Variants in FARS2 observed in about 807,000 individuals in gnomAD.
FARS2 encodes the protein phenylalanyl-tRNA synthetase 2, mitochondrial.
FARS2 carries 40 observed loss-of-function variants against 46.4 expected under a neutral mutation model. The ratio of observed to expected loss-of-function variants is 0.86; its 90% CI spans 0.67 to 1.12. FARS2 has a LOEUF of 1.12. Ranked by LOEUF, FARS2 falls within the 50% of genes most tolerant of loss-of-function variation. FARS2 has a pLI of 0.00. For synonymous variants in FARS2, 234 were observed against 214.9 expected (o/e 1.09, Z -0.78); for missense variants, 513 against 567.9 (o/e 0.90, Z 0.98).
chr6:5,399,037 G>T (rs80019296), intron 2 of FARS2, among the ~76,000 whole-genome samples: 1,638 of 151,406 alleles, frequency 0.011, 25 homozygotes, highest in African/African-American at 0.037. Flanking sequence ...TCTTTAAGTG[G>T]CTGTCATTTA....
In FARS2 at chr6:5,303,382, T is replaced by C. The variant is rs558358341; in HGVS notation, c.-22+41722T>C. 6.6e-5 allele frequency among the ~76,000 whole-genome samples: 10 copies of C among 152,292 alleles called. No individual in the cohort carries two copies. In the South Asian group the frequency reaches 2.1e-3, roughly 32 times the overall value. ...GATTTTCCTGAGTGGGACTGGTGCCTGGACTGGCACAGGGCTGAAGCTGCA... is the reference window on the plus strand; with the variant it reads ...GATTTTCCTGAGTGGGACTGGTGCCCGGACTGGCACAGGGCTGAAGCTGCA... On this transcript the variant is annotated intron_variant, in intron 1 of 6. Transcript: ENST00000274680.
rs539920107 is a variant in FARS2, at chr6:5,554,507, T to TA, written c.1065+9168dup. Reference sequence around the variant, plus strand: ...AACATCAGCCATGAGTGCTGCATGATATGAGGCCTGGGAGTTTCTTAAGGC... The same window carrying TA: ...AACATCAGCCATGAGTGCTGCATGATAATGAGGCCTGGGAGTTTCTTAAGGC... On this transcript the variant is annotated intron_variant, in intron 5 of 6. Coordinates refer to ENST00000274680, the MANE Select transcript of FARS2 (RefSeq NM_006567.5). 4.9e-4 allele frequency among the ~76,000 whole-genome samples: 74 copies of TA among 152,304 alleles called. 1 individual carries two copies. In the East Asian group the frequency reaches 0.014, roughly 28 times the overall value.
rs180908690 is a variant in FARS2, at chr6:5,327,468, T to A, written c.-21-41082T>A. On this transcript the variant is annotated intron_variant, in intron 1 of 6. Coordinates refer to ENST00000274680, the MANE Select transcript of FARS2 (RefSeq NM_006567.5). ...AGGTAATTGAATAATGAGGGCAGGT[T>A]TTTCCGTGCCGTTCTTGTGATGGTG... 2.9e-4 allele frequency among the ~76,000 whole-genome samples: 44 copies of A among 152,224 alleles called. No homozygotes were observed. In the East Asian group the frequency reaches 7.9e-3, roughly 27 times the overall value.
chr6:5,587,915 A>G (rs979465615), intron 5 of FARS2, among the ~76,000 whole-genome samples: 5 of 152,158 alleles, frequency 3.3e-5, no homozygotes, highest in Non-Finnish European at 5.9e-5. Flanking sequence ...ATCTTTTAAT[A>G]CGTGTTGTTT....
chr6:5,260,643 G>A, upstream of FARS2: 1 of 1,536,790 alleles, frequency 6.5e-7, no homozygotes, highest in Non-Finnish European at 8.7e-7. Context: ...TGCCCGCTGG[G>A]TCACCTGTAA....
intron 6 of FARS2, among the ~76,000 whole-genome samples, chr6:5,688,108 G>A (rs1274891171): frequency 2.0e-5 from 3 of 152,166 alleles, no homozygotes; most frequent in Non-Finnish European, 2.9e-5. Flanking sequence ...GGGCTGAGAC[G>A]ATGGGATTTT....
intron 6 of FARS2, among the ~76,000 whole-genome samples, chr6:5,711,694 T>C (rs1462116605): frequency 6.6e-6 from 1 of 152,182 alleles, no homozygotes; most frequent in Non-Finnish European, 1.5e-5. Context: ...TCCTGACCAA[T>C]GCTCCTCAAA....
chr6:5,424,517 G>A (rs890620952), intron 3 of FARS2, among the ~76,000 whole-genome samples: 4 of 152,124 alleles, frequency 2.6e-5, no homozygotes, highest in Non-Finnish European at 5.9e-5. Flanking sequence ...ATCATTCAGT[G>A]AAAAAAGCGT....
chr6:5,717,326 C>G (rs191255243), intron 6 of FARS2, among the ~76,000 whole-genome samples: 2 of 149,316 alleles, frequency 1.3e-5, no homozygotes, highest in Non-Finnish European at 3.0e-5. Context: ...AGCCAGGAAC[C>G]GTGGATAGAA....
intron 4 of FARS2, among the ~76,000 whole-genome samples, chr6:5,518,360 G>T (rs993895368): frequency 6.6e-6 from 1 of 151,964 alleles, no homozygotes; most frequent in African/African-American, 2.4e-5. Flanking sequence ...GAAGAATAAA[G>T]AGAGAGTTCC....
intron 6 of FARS2, among the ~76,000 whole-genome samples, chr6:5,678,632 C>T (rs988412307): frequency 1.3e-5 from 2 of 152,130 alleles, no homozygotes; most frequent in African/African-American, 4.8e-5. Context: ...CTTTGTAATA[C>T]GAGGGCTGCT....
At chr6:5,332,825 G>A (rs1770889663) in intron 1 of FARS2, among the ~76,000 whole-genome samples, 1 of 152,142 alleles carries the variant, frequency 6.6e-6, no homozygotes, top group South Asian at 2.1e-4. Flanking sequence ...TTTCATGGGA[G>A]GGTCATTAGA....
chr6:5,523,350 G>A (rs748324346), intron 4 of FARS2, among the ~76,000 whole-genome samples: 2 of 152,188 alleles, frequency 1.3e-5, no homozygotes, highest in South Asian at 4.1e-4. Flanking sequence ...AAGGACAACA[G>A]AGGGCTTTTT....
intron 6 of FARS2, among the ~76,000 whole-genome samples, chr6:5,709,716 TGG>T (rs373161861): frequency 0.59 from 78,673 of 133,600 alleles, 22,061 homozygotes; most frequent in Non-Finnish European, 0.61. Context: ...ACGTGCATGT[TGG>T]GGGGGGTGGG....
chr6:5,624,258 G>A (rs1020773408), intron 6 of FARS2, among the ~76,000 whole-genome samples: 3 of 152,084 alleles, frequency 2.0e-5, no homozygotes, highest in African/African-American at 4.8e-5. Flanking sequence ...CTTACGATGG[G>A]TGCATCTCAT....
In FARS2 at chr6:5,607,285, ATGTG is replaced by A. The variant is rs200898031; in HGVS notation, c.1066-5842_1066-5839del. Reference sequence around the variant, plus strand: ...AACAATTTATTAAAGAATAATATGTATGTGTGTGTGTGTGTGTGTGTGTGTGTGT... The same window carrying A: ...AACAATTTATTAAAGAATAATATGTATGTGTGTGTGTGTGTGTGTGTGTGT... On this transcript the variant is annotated intron_variant, in intron 5 of 6. Coordinates refer to ENST00000274680, the MANE Select transcript of FARS2 (RefSeq NM_006567.5). Among the ~76,000 whole-genome samples the A allele has an allele frequency of 7.9e-3, 592 of 75,012 alleles. 2 individuals are homozygous for A. In the East Asian group the frequency reaches 0.081, roughly 10 times the overall value. 49.2% of individuals were successfully genotyped at this position (75,012 alleles called of 152,430 possible). A position where few individuals can be genotyped will look rare whatever the true frequency, so the allele number is the denominator to read the frequency against.
rs566140510 is a variant in FARS2, at chr6:5,585,305, T to G, written c.1066-27864T>G. On this transcript the variant is annotated intron_variant, in intron 5 of 6. Coordinates refer to ENST00000274680, the MANE Select transcript of FARS2 (RefSeq NM_006567.5). ...CATCACCACTCAGTTATCATTTTTTTTGTGTGTGTAAGTGTATGTATAGTA... is the reference window on the plus strand; with the variant it reads ...CATCACCACTCAGTTATCATTTTTTGTGTGTGTGTAAGTGTATGTATAGTA... Among the ~76,000 whole-genome samples the G allele has an allele frequency of 1.1e-4, 17 of 152,210 alleles. 1 individual carries two copies. Among genetic ancestry groups the G allele is most frequent in the South Asian group, 2.1e-4 (1 of 4,828 alleles).
At chr6:5,693,518 C>T (rs535534749) in intron 6 of FARS2, among the ~76,000 whole-genome samples, 49 of 152,288 alleles carry the variant, frequency 3.2e-4, no homozygotes, top group African/African-American at 1.2e-3. Flanking sequence ...AATCATTTAT[C>T]CTTAGCAGTT....
At chr6:5,469,079 C>T (rs991540941) in intron 4 of FARS2, among the ~76,000 whole-genome samples, 2 of 152,182 alleles carry the variant, frequency 1.3e-5, no homozygotes, top group Non-Finnish European at 2.9e-5. Flanking sequence ...GAAAAGGGCT[C>T]GAGACTGACA....
Sources: gnomAD v4.1 joint callset for allele counts (sites outside exome capture counted in the v4.1 genomes callset) on GRCh38, gnomAD v4.1.1 for gene constraint, MANE v1.5 for transcripts, NCBI Gene and HGNC (gene_info 2026-07-23, HGNC 2026-07-21) for gene names.